PCDH7: variants seen among roughly 807,000 people sequenced by gnomAD.
The protein encoded by PCDH7 is protocadherin 7, also known as protocadherin-7.
A neutral mutation model predicts 58.9 loss-of-function variants in PCDH7; 17 were observed. The ratio of observed to expected loss-of-function variants is 0.29; its 90% CI spans 0.20 to 0.43. The LOEUF (loss-of-function observed/expected upper bound fraction) is 0.43, where lower values mean the gene tolerates loss of function less well. PCDH7 is among the 20% of genes least tolerant of loss of function. PCDH7 has a pLI of 1.00. For synonymous variants in PCDH7, 664 were observed against 616.4 expected, an observed-to-expected ratio of 1.08 and a Z score of -1.14; for missense variants, 1,274 against 1,441.0, an observed-to-expected ratio of 0.88 and a Z score of 1.88.
In PCDH7 at chr4:30,932,185, G is replaced by A; in HGVS notation, c.287+11816G>A. ...CTTCAAAACATAAATCACGGAAATA[G>A]AATCTGAATGAGAAATAAATTCAAA... On this transcript the variant is annotated intron_variant, in intron 2 of 3. Coordinates refer to the PCDH7 transcript ENST00000509759. 2.0e-5 allele frequency among the ~76,000 whole-genome samples: 3 copies of A among 152,252 alleles called. No homozygotes were observed. The South Asian group carries it at 6.2e-4, about 32-fold the overall frequency.
chr4:30,759,099 G>A (rs541169598), intron 1 of PCDH7, among the ~76,000 whole-genome samples: 2 of 151,858 alleles, frequency 1.3e-5, no homozygotes, highest in East Asian at 1.9e-4. Flanking sequence ...CCGCCATGAC[G>A]CCCAGCTAAT....
chr4:31,013,364 T>C (rs1450235341), intron 3 of PCDH7, among the ~76,000 whole-genome samples: 1 of 151,106 alleles, frequency 6.6e-6, no homozygotes, highest in Non-Finnish European at 1.5e-5. Flanking sequence ...TATGTATTAT[T>C]TTCACAGAGA....
chr4:30,760,429 C>T (rs1390272267), intron 1 of PCDH7, among the ~76,000 whole-genome samples: 1 of 152,106 alleles, frequency 6.6e-6, no homozygotes, highest in Non-Finnish European at 1.5e-5. Flanking sequence ...ATGACATGAT[C>T]CTATATCTAG....
chr4:30,897,480 C>G (rs1739601135), intron 1 of PCDH7, among the ~76,000 whole-genome samples: 1 of 151,904 alleles, frequency 6.6e-6, no homozygotes, highest in Admixed American at 6.6e-5. Flanking sequence ...ATTTCTTAAG[C>G]TACATGACAA....
At position 30,860,948 on chromosome 4, in the gene PCDH7, C is replaced by T. The variant is rs569581738; in HGVS notation, c.71-59205C>T. Among the ~76,000 whole-genome samples, 5 of 152,206 alleles carry T rather than the reference C, an allele frequency of 3.3e-5. No individual in the cohort carries two copies. In the East Asian group the frequency reaches 5.8e-4, roughly 18 times the overall value. On this transcript the variant is annotated intron_variant, in intron 1 of 3. Coordinates refer to the PCDH7 transcript ENST00000509759. ...CTGCTGTTTACATAGGACACTTTTCCATATCAAAATCATTTTTAAAACTAT... is the reference window on the plus strand; with the variant it reads ...CTGCTGTTTACATAGGACACTTTTCTATATCAAAATCATTTTTAAAACTAT...
At chr4:31,136,090 G>T (rs1270454710) in intron 3 of PCDH7, among the ~76,000 whole-genome samples, 1 of 152,190 alleles carries the variant, frequency 6.6e-6, no homozygotes, top group Admixed American at 6.5e-5. Context: ...AAGTGACAAA[G>T]TTAGAATGTG....
chr4:30,856,555 A>C (rs533845214), intron 1 of PCDH7, among the ~76,000 whole-genome samples: 18 of 152,166 alleles, frequency 1.2e-4, no homozygotes, highest in African/African-American at 4.3e-4. Context: ...TATAAGCTTG[A>C]TCACAAATTT....
chr4:30,962,776 TAAAAAAAAAAAAAA>T (rs57257786), intron 3 of PCDH7, among the ~76,000 whole-genome samples: 8 of 70,610 alleles, frequency 1.1e-4, no homozygotes, highest in South Asian at 5.4e-4. Context: ...GACCCAGTCT[TAAAAAAAAAAAAAA>T]AAAAAAAAAA....
intron 1 of PCDH7, among the ~76,000 whole-genome samples, chr4:30,752,334 A>G (rs1202311915): frequency 6.6e-6 from 1 of 152,032 alleles, no homozygotes; most frequent in Non-Finnish European, 1.5e-5. Flanking sequence ...GGGTTTCACC[A>G]TGTTGGTCAG....
intron 1 of PCDH7, among the ~76,000 whole-genome samples, chr4:30,758,070 GA>G (rs945791371): frequency 7.2e-5 from 11 of 152,056 alleles, no homozygotes; most frequent in Admixed American, 5.2e-4. Context: ...CAAATGTTAT[GA>G]AAAAAAATGC....
chr4:30,836,959 G>C (rs186625873), intron 1 of PCDH7, among the ~76,000 whole-genome samples: 1 of 152,246 alleles, frequency 6.6e-6, no homozygotes, highest in Non-Finnish European at 1.5e-5. Flanking sequence ...TAGGACAGTT[G>C]AGGCTCCTCC....
In PCDH7 at chr4:30,738,148, T is replaced by C. The variant is rs560285999; in HGVS notation, c.70+13552T>C. Among the ~76,000 whole-genome samples the C allele has an allele frequency of 1.4e-4, 21 of 152,284 alleles. No homozygotes were observed. In the East Asian group the frequency reaches 3.7e-3, roughly 27 times the overall value. ...ACTTTAGTACCCCATTTAACCTTAA[T>C]TTTCTCCATAAAGGCCCTATCTCCA... On this transcript the variant is annotated intron_variant, in intron 1 of 3. Coordinates refer to the PCDH7 transcript ENST00000509759.
At chr4:31,102,884 G>A (rs1190495026) in intron 3 of PCDH7, among the ~76,000 whole-genome samples, 1 of 152,042 alleles carries the variant, frequency 6.6e-6, no homozygotes, top group Non-Finnish European at 1.5e-5. Flanking sequence ...AGATCTAAAT[G>A]AATCACATTC....
chr4:30,950,953 G>T (rs1187070840), intron 3 of PCDH7, among the ~76,000 whole-genome samples: 2 of 152,202 alleles, frequency 1.3e-5, no homozygotes, highest in East Asian at 3.9e-4. Flanking sequence ...GTCATCACCA[G>T]GAAGCACCCG....
chr4:31,101,447 C>T (rs1378753829), intron 3 of PCDH7, among the ~76,000 whole-genome samples: 4 of 152,002 alleles, frequency 2.6e-5, no homozygotes, highest in Admixed American at 6.6e-5. Context: ...ATTTGGAGGA[C>T]GTGTGTATGC....
chr4:30,965,231 C>A (rs996463035), intron 3 of PCDH7, among the ~76,000 whole-genome samples: 4 of 151,904 alleles, frequency 2.6e-5, no homozygotes, highest in African/African-American at 9.7e-5. Context: ...TAAATGTTTT[C>A]TTCTATGTAA....
At chr4:30,726,464 G>T (rs1714628703) in intron 1 of PCDH7, among the ~76,000 whole-genome samples, 1 of 151,946 alleles carries the variant, frequency 6.6e-6, no homozygotes, top group Admixed American at 6.6e-5. Context: ...TGTTACTTAA[G>T]CTTCATTTGG....
At chr4:30,783,432 A>G (rs1417449926) in intron 1 of PCDH7, among the ~76,000 whole-genome samples, 1 of 152,246 alleles carries the variant, frequency 6.6e-6, no homozygotes, top group Non-Finnish European at 1.5e-5. Context: ...GATAATGAAT[A>G]TTCATGGAAT....
At position 31,045,705 on chromosome 4, in the gene PCDH7, T is replaced by C. The variant is rs566580456; in HGVS notation, c.*7+95490T>C. ...TTGCAACCTATCTCTCCTGTAATTA[T>C]AAAAACCAATACTACCCCATCTACA... is the stretch of plus-strand genomic sequence containing the variant. On this transcript the variant is annotated intron_variant, in intron 3 of 3. Transcript: ENST00000509759. 3.4e-4 allele frequency among the ~76,000 whole-genome samples: 51 copies of C among 152,118 alleles called. No homozygotes were observed. The South Asian group carries it at 0.01, about 30-fold the overall frequency.
Sources: allele counts gnomAD v4.1 joint callset (sites outside exome capture counted in the v4.1 genomes callset), GRCh38; gene constraint gnomAD v4.1.1; transcripts MANE v1.5; gene names NCBI Gene and HGNC (gene_info 2026-07-23, HGNC 2026-07-21).